The following DTWD2 variants were observed in gnomAD, a reference collection of about 807,000 sequenced individuals.
The protein encoded by DTWD2 is tRNA-uridine aminocarboxypropyltransferase 2.
Under a neutral mutation model 31.8 loss-of-function variants are expected in DTWD2, and 39 were observed. The observed-to-expected ratio is 1.22, with a 90% confidence interval of 0.95 to 1.60. The LOEUF (loss-of-function observed/expected upper bound fraction) is 1.60. Among genes scored for constraint, DTWD2 ranks in the 40% most tolerant of loss-of-function variants. DTWD2 has a pLI of 0.00. For synonymous variants in DTWD2, 180 were observed against 142.8 expected, an observed-to-expected ratio of 1.26 and a Z score of -1.86; for missense variants, 515 against 381.5, an observed-to-expected ratio of 1.35 and a Z score of -2.92.
chr5:118,931,606 C>A (rs1753926231), intron 3 of DTWD2, among the ~76,000 whole-genome samples: 1 of 151,948 alleles, frequency 6.6e-6, no homozygotes, highest in Admixed American at 6.6e-5. Context: ...ACCAATAGAA[C>A]TGAAAAAAGA....
intron 5 of DTWD2, 70 bp from the exon 6 acceptor site, chr5:118,841,157 T>A: frequency 6.6e-7 from 1 of 1,515,348 alleles, no homozygotes; most frequent in Non-Finnish European, 8.9e-7. Context: ...TATTTTTCAT[T>A]CAGAAATAGG....
intron 4 of DTWD2, among the ~76,000 whole-genome samples, chr5:118,882,212 A>G (rs1752757257): frequency 6.6e-6 from 1 of 152,208 alleles, no homozygotes; most frequent in African/African-American, 2.4e-5. Flanking sequence ...GGCAGTCATT[A>G]AATCTTAAAG....
At chr5:118,890,659 C>T (rs143517213) in intron 4 of DTWD2, among the ~76,000 whole-genome samples, 3,797 of 150,142 alleles carry the variant, frequency 0.025, 68 homozygotes, top group Middle Eastern at 0.039. Flanking sequence ...CAACCTCCGC[C>T]TCCCAGGTTC....
At chr5:118,917,903 T>C (rs1470290966) in intron 4 of DTWD2, among the ~76,000 whole-genome samples, 4 of 151,356 alleles carry the variant, frequency 2.6e-5, no homozygotes, top group Admixed American at 6.6e-5. Flanking sequence ...AGGCAGACGT[T>C]GTAGTGAGCC....
intron 4 of DTWD2, among the ~76,000 whole-genome samples, chr5:118,921,515 A>C (rs1006837130): frequency 6.7e-6 from 1 of 148,740 alleles, no homozygotes; most frequent in Non-Finnish European, 1.5e-5. Flanking sequence ...GCAAGACCCC[A>C]TCTCTTAAAA....
At chr5:118,971,580 G>A (rs900151545) in intron 1 of DTWD2, among the ~76,000 whole-genome samples, 1 of 152,138 alleles carries the variant, frequency 6.6e-6, no homozygotes, top group Non-Finnish European at 1.5e-5. Flanking sequence ...GATCAAGACA[G>A]AAAATTAACA....
intron 4 of DTWD2, among the ~76,000 whole-genome samples, chr5:118,851,733 A>G (rs1011564954): frequency 2.6e-5 from 4 of 151,240 alleles, no homozygotes; most frequent in Non-Finnish European, 5.9e-5. Context: ...AGATACACCT[A>G]ATGTTAAATG....
intron 4 of DTWD2, among the ~76,000 whole-genome samples, chr5:118,892,752 G>A (rs1341316309): frequency 2.0e-5 from 3 of 151,956 alleles, no homozygotes; most frequent in East Asian, 1.9e-4. Flanking sequence ...AACTACATAT[G>A]TATTTTCCAT....
intron 4 of DTWD2, among the ~76,000 whole-genome samples, chr5:118,853,829 G>A (rs992268271): frequency 1.3e-5 from 2 of 152,158 alleles, no homozygotes; most frequent in East Asian, 1.9e-4. Context: ...ATATACCCTT[G>A]TAACAAACCT....
At chr5:118,945,658 G>A (rs1055865983) in intron 1 of DTWD2, among the ~76,000 whole-genome samples, 1 of 151,806 alleles carries the variant, frequency 6.6e-6, no homozygotes, top group Admixed American at 6.6e-5. Flanking sequence ...CCAGCAACTC[G>A]GGAAGTTGAG....
At chr5:118,869,864 T>A (rs1349432026) in intron 4 of DTWD2, among the ~76,000 whole-genome samples, 1 of 152,080 alleles carries the variant, frequency 6.6e-6, no homozygotes, top group Non-Finnish European at 1.5e-5. Flanking sequence ...ATGTTGGAGG[T>A]GGGGGCCTTG....
intron 4 of DTWD2, among the ~76,000 whole-genome samples, chr5:118,877,090 T>G (rs918864954): frequency 6.6e-6 from 1 of 152,144 alleles, no homozygotes; most frequent in Non-Finnish European, 1.5e-5. Context: ...AATCAATAAA[T>G]GTGAAAACAG....
intron 1 of DTWD2, among the ~76,000 whole-genome samples, chr5:118,962,028 G>A (rs1754718230): frequency 6.6e-6 from 1 of 152,056 alleles, no homozygotes; most frequent in African/African-American, 2.4e-5. Flanking sequence ...GATCATCTGA[G>A]GTCAGGAGTT....
At chr5:118,890,019 T>A (rs6896086) in intron 4 of DTWD2, among the ~76,000 whole-genome samples, 9,809 of 152,276 alleles carry the variant, frequency 0.064, 357 homozygotes, top group Middle Eastern at 0.15. Context: ...AATGTCATTA[T>A]ATAAAATATC....
chr5:118,903,985 G>C (rs1368461332), intron 4 of DTWD2, among the ~76,000 whole-genome samples: 1 of 151,890 alleles, frequency 6.6e-6, no homozygotes, highest in Non-Finnish European at 1.5e-5. Context: ...TCCTTAATTA[G>C]GACTATAACC....
intron 3 of DTWD2, among the ~76,000 whole-genome samples, chr5:118,934,427 CA>C (rs1753992734): frequency 6.7e-6 from 1 of 149,066 alleles, no homozygotes; most frequent in South Asian, 2.1e-4. Context: ...AAAACAATAA[CA>C]CAAAAAATAG....
chr5:118,923,341 T>A (rs922936324), intron 4 of DTWD2, among the ~76,000 whole-genome samples: 1 of 152,126 alleles, frequency 6.6e-6, no homozygotes, highest in African/African-American at 2.4e-5. Flanking sequence ...GCTACTAACA[T>A]TAAAGTGTTA....
intron 1 of DTWD2, among the ~76,000 whole-genome samples, chr5:118,948,061 T>G (rs1337691046): frequency 6.6e-6 from 1 of 152,168 alleles, no homozygotes; most frequent in Non-Finnish European, 1.5e-5. Flanking sequence ...AGGTTAGAAA[T>G]CAACCTTTTA....
intron 1 of DTWD2, among the ~76,000 whole-genome samples, chr5:118,958,402 G>A (rs1238038633): frequency 6.6e-6 from 1 of 151,856 alleles, no homozygotes; most frequent in Non-Finnish European, 1.5e-5. Context: ...AGTTTGCAGT[G>A]AGCCGGGATC....
Sources: allele counts gnomAD v4.1 joint callset (sites outside exome capture counted in the v4.1 genomes callset), GRCh38; gene constraint gnomAD v4.1.1; transcripts MANE v1.5; gene names NCBI Gene and HGNC (gene_info 2026-07-23, HGNC 2026-07-21).